Variants in PACRGL observed in about 807,000 individuals in gnomAD.
The protein encoded by PACRGL is parkin coregulated like.
A neutral mutation model predicts 34.5 loss-of-function variants in PACRGL; 38 were observed. The ratio of observed to expected loss-of-function variants is 1.10; its 90% confidence interval spans 0.85 to 1.44. The LOEUF (loss-of-function observed/expected upper bound fraction) is 1.44, where lower values mean the gene tolerates loss of function less well. Ranked by LOEUF, PACRGL falls within the 40% of genes most tolerant of loss-of-function variation. The pLI is 0.00. For synonymous variants in PACRGL, 128 were observed against 100.1 expected (o/e 1.28, Z -1.66); for missense variants, 305 against 281.4 (o/e 1.08, Z -0.60).
chr4:20,728,169 TA>T lies in PACRGL; in HGVS notation c.*834del, dbSNP rs1484491947. 1 of 152,104 alleles carries T rather than the reference TA, an allele frequency of 6.6e-6. No homozygotes were observed. The highest frequency in any genetic ancestry group is 2.4e-5 in the African/African-American group (1 of 41,336). 9.4% of individuals were successfully genotyped at this position (152,104 alleles called of 1,614,324 possible). ...GGAAAATTTTCAGAGTATTCTAGTT[TA>T]AAAAATTTTTTCTAATTCTGTAAAT... is the stretch of plus-strand genomic sequence containing the variant. On this transcript the variant is annotated 3_prime_UTR_variant, in exon 9 of 9. Coordinates refer to ENST00000503585, the MANE Select transcript of PACRGL (RefSeq NM_001258345.3).
chr4:20,749,773 C>G, intron 8 of PACRGL: 2 of 1,338,884 alleles, frequency 1.5e-6, no homozygotes, highest in Non-Finnish European at 2.1e-6. Flanking sequence ...TCAGTGTTTC[C>G]ATATCCTACA....
intron 8 of PACRGL, chr4:20,749,636 T>G: frequency 6.7e-7 from 1 of 1,498,462 alleles, no homozygotes; most frequent in South Asian, 1.2e-5. Flanking sequence ...AATAGTCAAA[T>G]GATATGAAAA....
chr4:20,718,500 G>A (rs567433187), intron 7 of PACRGL, among the ~76,000 whole-genome samples: 13 of 152,198 alleles, frequency 8.5e-5, no homozygotes, highest in East Asian at 7.8e-4. Context: ...TTTGAGATAC[G>A]TCCCATCAAT....
At chr4:20,719,708 T>C (rs1368323585) in intron 7 of PACRGL, among the ~76,000 whole-genome samples, 1 of 152,064 alleles carries the variant, frequency 6.6e-6, no homozygotes, top group East Asian at 1.9e-4. Flanking sequence ...TTTGTTATAA[T>C]TTCTGTTCTT....
chr4:20,765,546 T>C, the PACRGL span, among the ~76,000 whole-genome samples: 1 of 152,196 alleles, frequency 6.6e-6, no homozygotes, highest in Non-Finnish European at 1.5e-5. Context: ...CACCTTCCTG[T>C]GTGCCACATA....
chr4:20,738,475 C>T (rs1750235418), intron 8 of PACRGL, among the ~76,000 whole-genome samples: 1 of 152,174 alleles, frequency 6.6e-6, no homozygotes, highest in Admixed American at 6.5e-5. Context: ...ACATGTCTGA[C>T]ACATTCCAAG....
chr4:20,712,130 C>T (rs1009579285), intron 5 of PACRGL, among the ~76,000 whole-genome samples: 5 of 151,872 alleles, frequency 3.3e-5, no homozygotes, highest in African/African-American at 9.7e-5. Context: ...TCTATAGTTT[C>T]ATTTACCTTT....
At position 20,729,965 on chromosome 4, in the gene PACRGL, T is replaced by A; in HGVS notation, c.*2624T>A. 8.3e-7 allele frequency: 1 copy of A among 1,207,460 alleles called. No homozygotes were observed. Among genetic ancestry groups the A allele is most frequent in the Non-Finnish European group, 1.1e-6 (1 of 894,420 alleles). The allele number at this position is 1,207,460 out of a possible 1,614,324, so 74.8% of individuals were successfully genotyped here. A position where few individuals can be genotyped will look rare whatever the true frequency, so the allele number is the denominator to read the frequency against. On this transcript the variant is annotated 3_prime_UTR_variant, in exon 9 of 9. Coordinates refer to ENST00000503585, the MANE Select transcript of PACRGL (RefSeq NM_001258345.3). ...TGCTTTATATTAAAACAAAGCTTGTTTGCATAATATGCTTCAGTGTCAAGC... is the reference window on the plus strand; with the variant it reads ...TGCTTTATATTAAAACAAAGCTTGTATGCATAATATGCTTCAGTGTCAAGC...
chr4:20,763,002 A>G, the PACRGL span, among the ~76,000 whole-genome samples: 1 of 152,128 alleles, frequency 6.6e-6, no homozygotes, highest in Non-Finnish European at 1.5e-5. Context: ...TTATAAAACC[A>G]TCATAACTCA....
rs1747965791 is a variant in PACRGL at position 20,730,906 on chromosome 4, TCACC to T, written c.*3566_*3569del. Among the ~76,000 whole-genome samples, 1 of 151,980 alleles carries T rather than the reference TCACC, an allele frequency of 6.6e-6. No individual in the cohort carries two copies. The highest frequency in any genetic ancestry group is 6.6e-5 in the Admixed American group (1 of 15,236). On this transcript the variant is annotated 3_prime_UTR_variant, in exon 9 of 9. Transcript: ENST00000503585. ...TTCCACTGCTAGAAACCAAGTAACA[TCACC>T]GTCAAGCAGCTTAATGTCACCAAAT...
rs539798047 is a variant in PACRGL at position 20,713,889 on chromosome 4, A to G, written c.609+350A>G. 1.3e-4 allele frequency among the ~76,000 whole-genome samples: 20 copies of G among 152,238 alleles called. No homozygotes were observed. In the East Asian group the frequency reaches 3.3e-3, roughly 25 times the overall value. On this transcript the variant is annotated intron_variant, in intron 7 of 8. Transcript: ENST00000503585. ...AGTTTGTTATGATTTCTGTTCTTTT[A>G]CATTTGCTGAGGAGAGCTTTACTTC...
intron 8 of PACRGL, among the ~76,000 whole-genome samples, chr4:20,737,687 T>G (rs1039491623): frequency 6.6e-6 from 1 of 152,196 alleles, no homozygotes; most frequent in Admixed American, 6.5e-5. Context: ...GCAGAAGCTC[T>G]GATACTAAGC....
intron 8 of PACRGL, chr4:20,749,653 A>G (rs777091293): frequency 6.3e-6 from 10 of 1,576,992 alleles, no homozygotes; most frequent in Non-Finnish European, 7.0e-6. Flanking sequence ...AAAATAATCC[A>G]GAGCTTACCT....
chr4:20,703,500 GTGTGTGTGTGTT>G lies in PACRGL; in HGVS notation c.-16-954_-16-943del, dbSNP rs1207505087. Among the ~76,000 whole-genome samples the G allele has an allele frequency of 2.1e-3, 304 of 145,510 alleles. 2 individuals are homozygous for G. Among genetic ancestry groups the G allele is most frequent in the African/African-American group, 4.9e-3 (196 of 40,398 alleles). On this transcript the variant is annotated intron_variant, in intron 1 of 8. Transcript: ENST00000503585. The stretch of plus-strand genomic sequence containing the variant: ...TGAGTGTGTGTGTGTGTGTGTGTGT[GTGTGTGTGTGTT>G]TGTGTGTGTGTATTTCTTGCTAGAG...
At chr4:20,764,228 C>T in the PACRGL span, among the ~76,000 whole-genome samples, 5 of 152,248 alleles carry the variant, frequency 3.3e-5, no homozygotes, top group East Asian at 1.9e-4. Context: ...CATAATCTGA[C>T]TACTGTAAGA....
At chr4:20,716,742 A>G (rs1203230767) in intron 7 of PACRGL, among the ~76,000 whole-genome samples, 5 of 152,224 alleles carry the variant, frequency 3.3e-5, no homozygotes, top group Non-Finnish European at 7.3e-5. Flanking sequence ...ATTGATGGAC[A>G]TTTGGGTTGG....
chr4:20,757,653 G>A (rs532620386), downstream of PACRGL, among the ~76,000 whole-genome samples: 4 of 152,124 alleles, frequency 2.6e-5, no homozygotes, highest in Middle Eastern at 6.8e-3. Flanking sequence ...CTTTTAAAGC[G>A]GGAAGACATC....
At chr4:20,718,413 T>G (rs564750705) in intron 7 of PACRGL, among the ~76,000 whole-genome samples, 1 of 152,274 alleles carries the variant, frequency 6.6e-6, no homozygotes, top group Admixed American at 6.5e-5. Context: ...TGTGCCAGTT[T>G]TCAAAGGGAA....
intron 8 of PACRGL, among the ~76,000 whole-genome samples, chr4:20,746,659 GC>G (rs1752490107): frequency 6.6e-6 from 1 of 152,086 alleles, no homozygotes; most frequent in Non-Finnish European, 1.5e-5. Flanking sequence ...TTATTAAGTA[GC>G]TTTGATTGCT....
Sources: allele counts gnomAD v4.1 joint callset (sites outside exome capture counted in the v4.1 genomes callset), GRCh38; gene constraint gnomAD v4.1.1; transcripts MANE v1.5; gene names NCBI Gene and HGNC (gene_info 2026-07-23, HGNC 2026-07-21).